The following ZNF157 variants were observed in gnomAD, a reference collection of about 807,000 sequenced individuals.
ZNF157 encodes the protein zinc finger protein 157, also known as zinc finger protein 22.
A neutral mutation model predicts 9.4 loss-of-function variants in ZNF157; 8 were observed. The ratio of observed to expected loss-of-function variants is 0.85; its 90% CI spans 0.50 to 1.53. The LOEUF (loss-of-function observed/expected upper bound fraction) is 1.53, where lower values mean the gene tolerates loss of function less well. ZNF157 is among the 40% of genes most tolerant of loss of function. ZNF157 has a pLI of 0.00. For missense variants in ZNF157, 316 were observed against 385.2 expected (o/e 0.82, Z 1.50); for synonymous variants, 120 against 130.8 (o/e 0.92, Z 0.56).
At chrX:47,411,523 T>C (rs1317469187) in intron 3 of ZNF157, among the ~76,000 whole-genome samples, 1 of 108,720 alleles carries the variant, frequency 9.2e-6, no homozygotes, top group African/African-American at 3.4e-5. Flanking sequence ...CCTGGCTGAT[T>C]TTTGTATTAT....
chrX:47,413,436 G>C lies in ZNF157; in HGVS notation c.1363G>C (p.Val455Leu). Reference protein sequence around the residue: ...SECGNAFYVKVRLIEHQRIHT... With the variant: ...SECGNAFYVKLRLIEHQRIHT... ...ATGTGGAAATGCCTTCTATGTGAAA[G>C]TACGCCTCATTGAACATCAGCGAAT... Residue 455 changes from valine (V) to leucine (L), a missense_variant, in exon 4 of 4, where the codon GTA (valine) becomes CTA (leucine). By Grantham distance (32) the Val-to-Leu change is conservative. Around this residue, in one of 3 missense-constraint regions of ZNF157, gnomAD observed 167 missense variants for 183.6 expected, o/e 0.91. Coordinates refer to ENST00000377073, the MANE Select transcript of ZNF157 (RefSeq NM_003446.4). 1 of 1,211,177 alleles carries C rather than the reference G, an allele frequency of 8.3e-7. No individual in the cohort carries two copies. Among genetic ancestry groups the C allele is most frequent in the Middle Eastern group, 2.3e-4 (1 of 4,346 alleles).
intron 1 of ZNF157, among the ~76,000 whole-genome samples, chrX:47,407,242 C>T (rs1332006835): frequency 8.9e-6 from 1 of 112,144 alleles, no homozygotes; most frequent in African/African-American, 3.2e-5. Flanking sequence ...ATTTGATTTG[C>T]TAATATTTGT....
intron 1 of ZNF157, among the ~76,000 whole-genome samples, chrX:47,409,748 A>AT (rs1368967980): frequency 9.3e-6 from 1 of 107,388 alleles, no homozygotes; most frequent in Admixed American, 1.0e-4. Context: ...GGTTCAAGTG[A>AT]TTCTCCTGCC....
intron 1 of ZNF157, among the ~76,000 whole-genome samples, chrX:47,398,829 C>T (rs899233100): frequency 8.9e-6 from 1 of 112,084 alleles, no homozygotes; most frequent in Admixed American, 9.5e-5. Flanking sequence ...TTACAGGCGC[C>T]TGCCACCATG....
At chrX:47,407,780 T>C (rs1038834070) in intron 1 of ZNF157, among the ~76,000 whole-genome samples, 1 of 110,243 alleles carries the variant, frequency 9.1e-6, no homozygotes, top group Non-Finnish European at 1.9e-5. Flanking sequence ...GCCTCCCAAG[T>C]GGCTGGGATT....
chrX:47,388,105 G>A (rs1424190323), intron 1 of ZNF157, among the ~76,000 whole-genome samples: 2 of 108,990 alleles, frequency 1.8e-5, no homozygotes, highest in African/African-American at 6.7e-5. Flanking sequence ...TATTTTCTTA[G>A]AGACAGGGTC....
At chrX:47,411,857 G>A (rs2055966224) in intron 3 of ZNF157, among the ~76,000 whole-genome samples, 1 of 111,791 alleles carries the variant, frequency 8.9e-6, no homozygotes, top group South Asian at 3.7e-4. Context: ...TATAGTGGGG[G>A]AAAGTGACCA....
chrX:47,412,422 C>A lies in ZNF157; in HGVS notation c.349C>A (p.His117Asn), dbSNP rs905989071. 9.9e-6 allele frequency: 12 copies of A among 1,209,554 alleles called. No individual in the cohort carries two copies. The African/African-American group carries it at 2.1e-4, about 21-fold the overall frequency. ...TTCTGTTGGGGATAATGCCCTCAGGCATGATAATGACCTTCTTCACCATCA... is the reference window on the plus strand; with the variant it reads ...TTCTGTTGGGGATAATGCCCTCAGGAATGATAATGACCTTCTTCACCATCA... Reference protein sequence around the residue: ...NGSVGDNALRHDNDLLHHQKI... With the variant: ...NGSVGDNALRNDNDLLHHQKI... The change falls in exon 4 of 4, where the codon CAT becomes AAT. Residue 117 changes from histidine (H) to asparagine (N), a missense_variant. By Grantham distance (68) the His-to-Asn change is moderately conservative (BLOSUM62 1). Transcript: ENST00000377073.
chrX:47,380,552 C>T (rs2055858393), intron 1 of ZNF157, among the ~76,000 whole-genome samples: 2 of 109,903 alleles, frequency 1.8e-5, no homozygotes, highest in African/African-American at 3.3e-5. Flanking sequence ...CGGAGTGTTC[C>T]TAAAGGAAGG....
At chrX:47,376,265 T>G (rs1435096245) in intron 1 of ZNF157, among the ~76,000 whole-genome samples, 1 of 112,341 alleles carries the variant, frequency 8.9e-6, no homozygotes, top group East Asian at 2.8e-4. Context: ...TGAACTCAAT[T>G]GGCTAAATAA....
At chrX:47,370,852 T>C (rs1180173828) in intron 1 of ZNF157, 112 bp downstream of exon 1, 5 of 711,232 alleles carry the variant, frequency 7.0e-6, no homozygotes, top group Non-Finnish European at 9.9e-6. Context: ...ACCATTTACC[T>C]AGTTTTTGTC....
At chrX:47,402,869 A>G (rs2055934840) in intron 1 of ZNF157, among the ~76,000 whole-genome samples, 1 of 109,956 alleles carries the variant, frequency 9.1e-6, no homozygotes, top group Non-Finnish European at 1.9e-5. Flanking sequence ...TTTAGAGGAT[A>G]CAAGTACAGC....
chrX:47,375,849 A>G (rs1170968569), intron 1 of ZNF157, among the ~76,000 whole-genome samples: 2 of 110,718 alleles, frequency 1.8e-5, no homozygotes, highest in African/African-American at 6.6e-5. Flanking sequence ...ACATGCCACC[A>G]TGTCTGGCTA....
At chrX:47,385,108 A>C (rs1466863185) in intron 1 of ZNF157, among the ~76,000 whole-genome samples, 1 of 111,649 alleles carries the variant, frequency 9.0e-6, no homozygotes, top group Non-Finnish European at 1.9e-5. Flanking sequence ...TCGTGTTTGG[A>C]TGTCCCAATG....
rs112921253 is a variant in ZNF157, at chrX:47,398,441, T to C, written c.73-11835T>C. Among the ~76,000 whole-genome samples the C allele has an allele frequency of 7.4e-4, 83 of 112,347 alleles. 1 individual carries two copies. Among genetic ancestry groups the C allele is most frequent in the African/African-American group, 2.6e-3 (82 of 31,017 alleles). On this transcript the variant is annotated intron_variant, in intron 1 of 3. Coordinates refer to ENST00000377073, the MANE Select transcript of ZNF157 (RefSeq NM_003446.4). ...ATACCATGATGGTGGATTTCCTTTG[T>C]TGCATAACCCATGTATTCATTCCTT...
rs1366378349 is a variant in ZNF157, at chrX:47,414,246, A to G, written c.*652A>G. Reference sequence around the variant, plus strand: ...AGGCTGGTCTCTAACTCCTGACCTCAGGTGATCCACCTGCCTCGGCCTCCA... The same window carrying G: ...AGGCTGGTCTCTAACTCCTGACCTCGGGTGATCCACCTGCCTCGGCCTCCA... On this transcript the variant is annotated 3_prime_UTR_variant, in exon 4 of 4. Coordinates refer to ENST00000377073, the MANE Select transcript of ZNF157 (RefSeq NM_003446.4). 3 of 111,229 alleles carry G rather than the reference A, an allele frequency of 2.7e-5. No individual in the cohort carries two copies. Among genetic ancestry groups the G allele is most frequent in the Non-Finnish European group, 5.7e-5 (3 of 53,095 alleles). The allele number at this position is 111,229 out of a possible 1,213,427, so 9.2% of individuals were successfully genotyped here. A position where few individuals can be genotyped will look rare whatever the true frequency, so the allele number is the denominator to read the frequency against.
intron 1 of ZNF157, among the ~76,000 whole-genome samples, chrX:47,404,149 G>A (rs1416383834): frequency 9.6e-6 from 1 of 103,815 alleles, no homozygotes; most frequent in African/African-American, 3.3e-5. Context: ...CAGCCTGTGC[G>A]GCAGAGCCAG....
In ZNF157 at chrX:47,412,223, T is replaced by A. The variant is rs920237778; in HGVS notation, c.296-146T>A. 15 of 510,978 alleles carry A rather than the reference T, an allele frequency of 2.9e-5. No homozygotes were observed. In the African/African-American group the frequency reaches 3.3e-4, roughly 11 times the overall value. 42.1% of individuals were successfully genotyped at this position (510,978 alleles called of 1,213,427 possible). A position where few individuals can be genotyped will look rare whatever the true frequency, so the allele number is the denominator to read the frequency against. ...ATCCGCCTGCCTTGGCCTCCCAAAG[T>A]GCTGGGATTACAAGCGTGAGCCACT... On this transcript the variant is annotated intron_variant, in intron 3 of 3. Coordinates refer to ENST00000377073, the MANE Select transcript of ZNF157 (RefSeq NM_003446.4).
chrX:47,413,153 T>TGGGA lies in ZNF157; in HGVS notation c.1080_1081insGGGA (p.Asn361GlyfsTer3). 1 of 1,211,766 alleles carries TGGGA rather than the reference T, an allele frequency of 8.3e-7. No homozygotes were observed. The highest frequency in any genetic ancestry group is 1.1e-6 in the Non-Finnish European group (1 of 895,371). On this transcript the variant is annotated frameshift_variant, in exon 4 of 4. Coordinates refer to ENST00000377073, the MANE Select transcript of ZNF157 (RefSeq NM_003446.4). LOFTEE classifies it low-confidence loss of function (END_TRUNC). ...ACACAGGTGAAAAGCCCTATCAGTGTAATGAATGTGGGAAATCTTTCAGGG... is the reference window on the plus strand; with the variant it reads ...ACACAGGTGAAAAGCCCTATCAGTGTGGGAAATGAATGTGGGAAATCTTTCAGGG...
Sources: allele counts gnomAD v4.1 joint callset (sites outside exome capture counted in the v4.1 genomes callset), GRCh38; gene constraint gnomAD v4.1.1; regional missense constraint gnomAD v4.1.1; transcripts MANE v1.5; gene names NCBI Gene and HGNC (gene_info 2026-07-23, HGNC 2026-07-21).